RGS1: variants seen among roughly 807,000 people sequenced by gnomAD.
RGS1 encodes the protein regulator of G protein signaling 1.
Under a neutral mutation model 22.2 loss-of-function variants are expected in RGS1, and 11 were observed. The ratio of observed to expected loss-of-function variants is 0.50; its 90% confidence interval spans 0.31 to 0.82. The LOEUF (loss-of-function observed/expected upper bound fraction) is 0.82. RGS1 is among the 40% of genes least tolerant of loss of function. The pLI is 0.04. For missense variants in RGS1, 255 were observed against 245.8 expected, an observed-to-expected ratio of 1.04 and a Z score of -0.25; for synonymous variants, 81 against 79.9, an observed-to-expected ratio of 1.01 and a Z score of -0.07.
intron 3 of RGS1, chr1:192,577,572 A>T (rs1662084028): frequency 6.6e-6 from 1 of 152,304 alleles, no homozygotes; most frequent in Non-Finnish European, 1.5e-5. Flanking sequence ...AAAGAGTGAG[A>T]TTATTCTTTT....
At chr1:192,577,915 A>G in intron 3 of RGS1, 1 of 310,488 alleles carries the variant, frequency 3.2e-6, no homozygotes, top group East Asian at 6.3e-5. Flanking sequence ...ATGGTTTTAT[A>G]TTCAGTGGAG....
rs762712433 is a variant in RGS1 at position 192,579,352 on chromosome 1, T to C, written c.*30T>C. On this transcript the variant is annotated 3_prime_UTR_variant, in exon 5 of 5. Transcript: ENST00000367459. Reference sequence around the variant, plus strand: ...TCCCTGGCTGAAGGGAATTAACAGATAGTATCAAGCGCAGAAGGAATGTGC... The same window carrying C: ...TCCCTGGCTGAAGGGAATTAACAGACAGTATCAAGCGCAGAAGGAATGTGC... The C allele has an allele frequency of 1.5e-5, 24 of 1,605,386 alleles. No individual in the cohort carries two copies. The highest frequency in any genetic ancestry group is 2.0e-5 in the Non-Finnish European group (23 of 1,174,724).
Position 192,575,898 on chromosome 1 carries a change from G to A in RGS1, c.106G>A (p.Asp36Asn), listed in dbSNP as rs374699043. The A allele has an allele frequency of 3.6e-5, 58 of 1,612,804 alleles. No individual in the cohort carries two copies. Among genetic ancestry groups the A allele is most frequent in the African/African-American group, 6.7e-5 (5 of 74,860 alleles). The change falls in exon 1 of 5, where the codon GAC becomes AAC. Residue 36 changes from aspartate (D) to asparagine (N), a missense_variant. Coordinates refer to ENST00000367459, the MANE Select transcript of RGS1 (RefSeq NM_002922.4). ...AGGAACCACTCATTCACTTCTAGAC[G>A]ACAAAATGCAAAAAAGGAGGCCAAA... ...LKGTTHSLLD[D>N]KMQKRRPKTF...
In RGS1 at chr1:192,576,019, ATTTAG is replaced by A. The variant is rs550575248; in HGVS notation, c.137+96_137+100del. 109 of 1,487,620 alleles carry A rather than the reference ATTTAG, an allele frequency of 7.3e-5. 2 individuals are homozygous for A. The South Asian group carries it at 1.3e-3, about 17-fold the overall frequency. 92.2% of individuals were successfully genotyped at this position (1,487,620 alleles called of 1,614,324 possible). A position where few individuals can be genotyped will look rare whatever the true frequency, so the allele number is the denominator to read the frequency against. ...AGAATGAATGGAAGAGAGTGTGAGC[ATTTAG>A]TTTAGCCAGATCAGAGGAGTTAATT... On this transcript the variant is annotated intron_variant, in intron 1 of 4. Transcript: ENST00000367459.
chr1:192,578,397 G>A lies in RGS1; in HGVS notation c.444+12G>A. The A allele has an allele frequency of 6.2e-7, 1 of 1,611,218 alleles. No individual in the cohort carries two copies. Among genetic ancestry groups the A allele is most frequent in the Non-Finnish European group, 8.5e-7 (1 of 1,179,316 alleles). On this transcript the variant is annotated intron_variant, in intron 4 of 4. Transcript: ENST00000367459. ...ATGCTGCTAAACAAGTGAGTATTAA[G>A]CTTATCATCATCAGTTTCTCCATAA...
At position 192,579,203 on chromosome 1, in the gene RGS1, T is replaced by C. The variant is rs1662122076; in HGVS notation, c.511T>C (p.Phe171Leu). 1 of 1,613,320 alleles carries C rather than the reference T, an allele frequency of 6.2e-7. No individual in the cohort carries two copies. The change falls in exon 5 of 5, where the codon TTT (phenylalanine) becomes CTT (leucine). Residue 171 changes from phenylalanine to leucine, a missense_variant. Transcript: ENST00000367459. Reference protein sequence around the residue: ...KKIKAPTPTCFDEAQKVIYTL... With the variant: ...KKIKAPTPTCLDEAQKVIYTL... ...GATTAAAGCACCAACCCCCACGTGT[T>C]TTGATGAAGCACAAAAAGTCATATA...
Position 192,579,578 on chromosome 1 carries a change from G to T in RGS1, c.*256G>T, listed in dbSNP as rs1449132086. The stretch of plus-strand genomic sequence containing the variant: ...TAAAAAACAGTGGAGCTCTGTATTA[G>T]AAAGCCCCTCAGAACTGGGAAGGCC... On this transcript the variant is annotated 3_prime_UTR_variant, in exon 5 of 5. Transcript: ENST00000367459. The T allele has an allele frequency of 2.7e-5, 10 of 374,256 alleles. No homozygotes were observed. The East Asian group carries it at 5.1e-4, about 19-fold the overall frequency. The allele number at this position is 374,256 out of a possible 1,614,324, so 23.2% of individuals were successfully genotyped here. A position where few individuals can be genotyped will look rare whatever the true frequency, so the allele number is the denominator to read the frequency against.
intron 4 of RGS1, 50 bp downstream of exon 4, chr1:192,578,435 G>A (rs772930426): frequency 6.0e-5 from 96 of 1,589,314 alleles, no homozygotes; most frequent in Non-Finnish European, 5.1e-6. Context: ...GACCCTATAT[G>A]CAGAAATAAC....
intron 3 of RGS1, 110 bp downstream of exon 3, chr1:192,576,945 T>A: frequency 1.1e-6 from 1 of 926,540 alleles, no homozygotes; most frequent in Non-Finnish European, 1.6e-6. Context: ...GGTTGTATTC[T>A]AGTTTGTCTG....
chr1:192,576,314 C>T lies in RGS1; in HGVS notation c.167C>T (p.Ser56Phe). ...FGMDMKAYLR[S>F]MIPHLESGMK... ...ATGGATATGAAAGCATACCTGAGATCTATGATCCCACATCTGGAATCTGGA... is the reference window on the plus strand; with the variant it reads ...ATGGATATGAAAGCATACCTGAGATTTATGATCCCACATCTGGAATCTGGA... Residue 56 changes from serine (S) to phenylalanine (F), a missense_variant, in exon 2 of 5, where the codon TCT becomes TTT. Coordinates refer to ENST00000367459, the MANE Select transcript of RGS1 (RefSeq NM_002922.4). 2 of 1,611,318 alleles carry T rather than the reference C, an allele frequency of 1.2e-6. No homozygotes were observed. Among genetic ancestry groups the T allele is most frequent in the South Asian group, 1.1e-5 (1 of 90,966 alleles).
At chr1:192,576,189 T>C (rs1662055111) in intron 1 of RGS1, 96 bp from the exon 2 acceptor site, 1 of 1,057,394 alleles carries the variant, frequency 9.5e-7, no homozygotes, top group African/African-American at 1.6e-5. Flanking sequence ...CCATTTTTAG[T>C]ATTGCCTTAT....
rs753822477 is a variant in RGS1, at chr1:192,576,321, C to A, written c.174C>A (p.Ile58=). ...TGAAAGCATACCTGAGATCTATGAT[C>A]CCACATCTGGAATCTGGAATGAAAT... ...MDMKAYLRSM[I]PHLESGMKSS... Residue 58 remains isoleucine, a synonymous_variant, in exon 2 of 5, where the codon ATC becomes ATA. Coordinates refer to ENST00000367459, the MANE Select transcript of RGS1 (RefSeq NM_002922.4). 2.5e-6 allele frequency: 4 copies of A among 1,611,306 alleles called. No individual in the cohort carries two copies. Among genetic ancestry groups the A allele is most frequent in the Non-Finnish European group, 3.4e-6 (4 of 1,178,050 alleles).
chr1:192,577,012 A>G (rs12136860), intron 3 of RGS1, 177 bp downstream of exon 3: 38,648 of 445,520 alleles, frequency 0.087, 2,099 homozygotes, highest in Non-Finnish European at 0.11. Flanking sequence ...TTAGCACTCA[A>G]TTCTGCCAAC....
In RGS1 at chr1:192,578,240, GAAGTTTCCTA is replaced by G; in HGVS notation, c.304_313del (p.Phe102LeufsTer93). On this transcript the variant is annotated frameshift_variant, in exon 4 of 5. Transcript: ENST00000367459. LOFTEE classifies it high-confidence loss of function. ...TTTTTAGCTGGTCAAAATGTCTTTGGAAGTTTCCTAAAGTCTGAATTCAGTGAGGAGAATA... is the reference window on the plus strand; with the variant it reads ...TTTTTAGCTGGTCAAAATGTCTTTGGAAGTCTGAATTCAGTGAGGAGAATA... 6.2e-7 allele frequency: 1 copy of G among 1,610,880 alleles called. No individual in the cohort carries two copies. The highest frequency in any genetic ancestry group is 1.3e-5 in the African/African-American group (1 of 74,778).
At position 192,578,210 on chromosome 1, in the gene RGS1, G is replaced by A. The variant is rs41265199; in HGVS notation, c.281-12G>A. The stretch of plus-strand genomic sequence containing the variant: ...TTAATTATCTCCCCACCCACCCCTC[G>A]TTTCTTTTTAGCTGGTCAAAATGTC... On this transcript the variant is annotated splice_polypyrimidine_tract_variant and intron_variant, in intron 3 of 4. Coordinates refer to ENST00000367459, the MANE Select transcript of RGS1 (RefSeq NM_002922.4). 2.9e-5 allele frequency: 46 copies of A among 1,596,146 alleles called. 1 individual carries two copies. Among genetic ancestry groups the A allele is most frequent in the Middle Eastern group, 1.7e-4 (1 of 5,968 alleles).
rs1049457357 is a variant in RGS1 at position 192,579,693 on chromosome 1, C to A, written c.*371C>A. 5 of 179,354 alleles carry A rather than the reference C, an allele frequency of 2.8e-5. No individual in the cohort carries two copies. Among genetic ancestry groups the A allele is most frequent in the Non-Finnish European group, 3.5e-5 (3 of 86,562 alleles). The allele number at this position is 179,354 out of a possible 1,614,324, so 11.1% of individuals were successfully genotyped here. ...GAATCAAAGTCAACTGACATCTATGCTACATATTATTATATAGTTTGTACT... is the reference window on the plus strand; with the variant it reads ...GAATCAAAGTCAACTGACATCTATGATACATATTATTATATAGTTTGTACT... On this transcript the variant is annotated 3_prime_UTR_variant, in exon 5 of 5. Transcript: ENST00000367459.
rs576294177 is a variant in RGS1, at chr1:192,578,958, T to C, written c.445-179T>C. Reference sequence around the variant, plus strand: ...ATTTGGAACAAAGACATTTTTGTAATATTTCTTATCTCCTTCACACCTAGT... The same window carrying C: ...ATTTGGAACAAAGACATTTTTGTAACATTTCTTATCTCCTTCACACCTAGT... On this transcript the variant is annotated intron_variant, in intron 4 of 4. Transcript: ENST00000367459. The C allele has an allele frequency of 2.2e-5, 13 of 581,262 alleles. No homozygotes were observed. The South Asian group carries it at 3.4e-4, about 15-fold the overall frequency. 36.0% of individuals were successfully genotyped at this position (581,262 alleles called of 1,614,324 possible).
chr1:192,575,899 AC>A lies in RGS1; in HGVS notation c.108del (p.Asp36GlufsTer15). On this transcript the variant is annotated frameshift_variant, in exon 1 of 5. Coordinates refer to ENST00000367459, the MANE Select transcript of RGS1 (RefSeq NM_002922.4). LOFTEE classifies it high-confidence loss of function. Reference sequence around the variant, plus strand: ...GGAACCACTCATTCACTTCTAGACGACAAAATGCAAAAAAGGAGGCCAAAGA... The same window carrying A: ...GGAACCACTCATTCACTTCTAGACGAAAAATGCAAAAAAGGAGGCCAAAGA... ...LKGTTHSLLD[D>X]KMQKRRPKTF... 1.2e-6 allele frequency: 2 copies of A among 1,613,256 alleles called. No homozygotes were observed. Among genetic ancestry groups the A allele is most frequent in the Non-Finnish European group, 1.7e-6 (2 of 1,179,394 alleles).
intron 1 of RGS1, 64 bp downstream of exon 1, chr1:192,575,993 G>T: frequency 6.3e-7 from 1 of 1,576,464 alleles, no homozygotes; most frequent in South Asian, 1.1e-5. Context: ...CAGAAGGATT[G>T]AGAATGAATG....
Sources: gnomAD v4.1 joint callset for allele counts on GRCh38, gnomAD v4.1.1 for gene constraint, MANE v1.5 for transcripts, NCBI Gene and HGNC (gene_info 2026-07-23, HGNC 2026-07-21) for gene names.